ARL5B: variants seen among roughly 807,000 people sequenced by gnomAD.
ARL5B encodes the protein ARF like GTPase 5B.
A neutral mutation model predicts 26.9 loss-of-function variants in ARL5B; 10 were observed. That is an observed-to-expected ratio of 0.37 (90% CI 0.23 to 0.63). ARL5B has a LOEUF of 0.63. Ranked by LOEUF, ARL5B falls within the 30% of genes least tolerant of loss-of-function variation. The pLI, the probability that ARL5B is intolerant of heterozygous loss-of-function variation, is 0.62. For missense variants in ARL5B, 167 were observed against 213.9 expected (o/e 0.78, Z 1.37); for synonymous variants, 87 against 70.4 (o/e 1.24, Z -1.18).
Position 18,678,380 on chromosome 10 carries a change from A to G in ARL5B, c.*3164A>G, listed in dbSNP as rs1445481845. On this transcript the variant is annotated 3_prime_UTR_variant, in exon 6 of 6. Transcript: ENST00000377275. ...CATAATTTAACTTTCATTATAGCAT[A>G]AAGAGAAAATAATTATTTTAGTATG... 6.6e-6 allele frequency: 1 copy of G among 151,896 alleles called. No individual in the cohort carries two copies. Among genetic ancestry groups the G allele is most frequent in the Non-Finnish European group, 1.5e-5 (1 of 67,788 alleles). 9.4% of individuals were successfully genotyped at this position (151,896 alleles called of 1,614,324 possible). A position where few individuals can be genotyped will look rare whatever the true frequency, so the allele number is the denominator to read the frequency against.
chr10:18,670,985 A>G (rs982336348), intron 3 of ARL5B, among the ~76,000 whole-genome samples: 1 of 152,174 alleles, frequency 6.6e-6, no homozygotes, highest in Admixed American at 6.5e-5. Context: ...GTCCCCCAAA[A>G]GCGGTAGTAT....
chr10:18,666,520 G>A, intron 1 of ARL5B, 55 bp from the exon 2 acceptor site: 1 of 1,374,352 alleles, frequency 7.3e-7, no homozygotes, highest in East Asian at 2.4e-5. Flanking sequence ...TTGAAAGCAT[G>A]TAATTGCAGT....
chr10:18,668,710 A>C (rs1564865195), intron 3 of ARL5B, 33 bp downstream of exon 3: 1 of 1,607,020 alleles, frequency 6.2e-7, no homozygotes, highest in Non-Finnish European at 8.5e-7. Context: ...TTTTAATCCA[A>C]AGGTCCCTAG....
rs559210536 is a variant in ARL5B, at chr10:18,663,172, C to G, written c.47-3403C>G. On this transcript the variant is annotated intron_variant, in intron 1 of 5. Transcript: ENST00000377275. ...TACAAGCACCTGCCACCATGCCTGG[C>G]TAATTTTCGTATTTGTAGTAGAGAT... Among the ~76,000 whole-genome samples the G allele has an allele frequency of 4.2e-4, 64 of 152,054 alleles. 2 individuals carry two copies. The highest frequency in any genetic ancestry group is 1.5e-3 in the African/African-American group (64 of 41,458).
rs371450710 is a variant in ARL5B, at chr10:18,676,615, G to A, written c.*1399G>A. On this transcript the variant is annotated 3_prime_UTR_variant, in exon 6 of 6. Coordinates refer to ENST00000377275, the MANE Select transcript of ARL5B (RefSeq NM_178815.5). ...ATGAAAGGGATAAAATGAATACTTA[G>A]AGAATAATACTTCATTTTTGCAGTA... The A allele has an allele frequency of 6.6e-6, 1 of 151,936 alleles. No individual in the cohort carries two copies. The highest frequency in any genetic ancestry group is 2.4e-5 in the African/African-American group (1 of 41,410). 9.4% of individuals were successfully genotyped at this position (151,936 alleles called of 1,614,324 possible).
chr10:18,666,489 T>G, intron 1 of ARL5B, 86 bp from the exon 2 acceptor site: 15 of 1,080,374 alleles, frequency 1.4e-5, no homozygotes, highest in Non-Finnish European at 1.9e-5. Flanking sequence ...TTCTCATTAA[T>G]GAGCTAACTA....
At chr10:18,660,943 G>A (rs1043536721) in intron 1 of ARL5B, among the ~76,000 whole-genome samples, 5 of 152,146 alleles carry the variant, frequency 3.3e-5, no homozygotes, top group East Asian at 3.9e-4. Flanking sequence ...TGCATCCTGG[G>A]TTCAAGCGAT....
At chr10:18,664,014 TGCAATCTCA>T (rs2059849195) in intron 1 of ARL5B, among the ~76,000 whole-genome samples, 1 of 151,394 alleles carries the variant, frequency 6.6e-6, no homozygotes, top group Non-Finnish European at 1.5e-5. Flanking sequence ...AGTGCAGTGG[TGCAATCTCA>T]GCTCACTGCC....
intron 1 of ARL5B, 35 bp downstream of exon 1, chr10:18,659,718 C>T (rs2131633413): frequency 6.2e-7 from 1 of 1,602,970 alleles, no homozygotes; most frequent in Non-Finnish European, 8.5e-7. Flanking sequence ...GGCTCGAATC[C>T]GAGGCAGAGG....
chr10:18,667,094 A>G (rs1385290545), intron 2 of ARL5B, among the ~76,000 whole-genome samples: 1 of 152,230 alleles, frequency 6.6e-6, no homozygotes, highest in African/African-American at 2.4e-5. Context: ...GAGAGTCTTG[A>G]GACTTTCAGA....
chr10:18,674,278 C>A, intron 5 of ARL5B, 143 bp downstream of exon 5: 1 of 658,788 alleles, frequency 1.5e-6, no homozygotes, highest in Non-Finnish European at 2.3e-6. Flanking sequence ...GTGTCTCAGG[C>A]TTACAACCTA....
At position 18,659,541 on chromosome 10, in the gene ARL5B, G is replaced by T. The variant is rs759425966; in HGVS notation, c.-97G>T. ...TGCCCTCGCTGCGCGATCTCAGGCG[G>T]GTTCTCCTCGGCTCCGCGCAGCCCG... On this transcript the variant is annotated 5_prime_UTR_variant, in exon 1 of 6. Coordinates refer to ENST00000377275, the MANE Select transcript of ARL5B (RefSeq NM_178815.5). 2.1e-6 allele frequency: 3 copies of T among 1,435,824 alleles called. No homozygotes were observed. The highest frequency in any genetic ancestry group is 2.8e-6 in the Non-Finnish European group (3 of 1,087,276). The allele number at this position is 1,435,824 out of a possible 1,614,324, so 88.9% of individuals were successfully genotyped here. A position where few individuals can be genotyped will look rare whatever the true frequency, so the allele number is the denominator to read the frequency against.
Position 18,681,449 on chromosome 10 carries a change from C to T in ARL5B, c.*6233C>T, listed in dbSNP as rs2059931686. The T allele has an allele frequency of 6.6e-6, 1 of 152,036 alleles. No individual in the cohort carries two copies. The allele number at this position is 152,036 out of a possible 1,614,324, so 9.4% of individuals were successfully genotyped here. On this transcript the variant is annotated 3_prime_UTR_variant, in exon 6 of 6. Transcript: ENST00000377275. ...TTGCCAGTACTCATAATTTTTATTT[C>T]TGCAATTATGTTATAATGAGTTGTT... is the stretch of plus-strand genomic sequence containing the variant.
rs548949971 is a variant in ARL5B at position 18,677,706 on chromosome 10, G to C, written c.*2490G>C. 2 of 152,338 alleles carry C rather than the reference G, an allele frequency of 1.3e-5. No individual in the cohort carries two copies. The highest frequency in any genetic ancestry group is 4.1e-4 in the South Asian group (2 of 4,826). 9.4% of individuals were successfully genotyped at this position (152,338 alleles called of 1,614,324 possible). ...TCTAAAAAATGTACATTTGTAATTA[G>C]TGCCTTTATTCATATTTTGAAATAA... On this transcript the variant is annotated 3_prime_UTR_variant, in exon 6 of 6. Coordinates refer to ENST00000377275, the MANE Select transcript of ARL5B (RefSeq NM_178815.5).
At chr10:18,672,097 A>G (rs1022620828) in intron 3 of ARL5B, among the ~76,000 whole-genome samples, 1 of 152,162 alleles carries the variant, frequency 6.6e-6, no homozygotes, top group African/African-American at 2.4e-5. Context: ...ATATGTTTCA[A>G]TCTGGAGCAT....
chr10:18,668,229 G>C (rs931412807), intron 2 of ARL5B, among the ~76,000 whole-genome samples: 5 of 151,928 alleles, frequency 3.3e-5, no homozygotes, highest in African/African-American at 1.2e-4. Flanking sequence ...TGATAACAGG[G>C]CATGGTGGTA....
chr10:18,667,553 T>C (rs150173104), intron 2 of ARL5B, among the ~76,000 whole-genome samples: 126 of 152,270 alleles, frequency 8.3e-4, no homozygotes, highest in African/African-American at 2.8e-3. Context: ...TTCAAAAATA[T>C]ACATAAAACC....
chr10:18,671,012 G>A (rs2059884604), intron 3 of ARL5B, among the ~76,000 whole-genome samples: 2 of 152,180 alleles, frequency 1.3e-5, no homozygotes, highest in South Asian at 4.1e-4. Flanking sequence ...TATAATACAA[G>A]AAGTTACAGG....
chr10:18,660,008 G>A (rs192796992), intron 1 of ARL5B: 297 of 929,244 alleles, frequency 3.2e-4, no homozygotes, highest in Non-Finnish European at 3.6e-4. Context: ...TTATTGAAGC[G>A]TGCTTGTGTC....
Sources: gnomAD v4.1 joint callset for allele counts (sites outside exome capture counted in the v4.1 genomes callset) on GRCh38, gnomAD v4.1.1 for gene constraint, MANE v1.5 for transcripts, NCBI Gene and HGNC (gene_info 2026-07-23, HGNC 2026-07-21) for gene names.